Variants in SV2C observed in about 807,000 individuals in gnomAD.
The protein encoded by SV2C is synaptic vesicle glycoprotein 2C, also known as solute carrier family 22 member B3.
SV2C carries 49 observed loss-of-function variants against 79.7 expected under a neutral mutation model. The ratio of observed to expected loss-of-function variants is 0.61; its 90% confidence interval spans 0.49 to 0.78. The LOEUF (loss-of-function observed/expected upper bound fraction) is 0.78, where lower values mean the gene tolerates loss of function less well. Among genes scored for constraint, SV2C ranks in the 30% least tolerant of loss-of-function variants. The pLI, the probability that SV2C is intolerant of heterozygous loss-of-function variation, is 0.00. For synonymous variants in SV2C, 334 were observed against 333.2 expected, an observed-to-expected ratio of 1.00 and a Z score of -0.03; for missense variants, 833 against 912.9, an observed-to-expected ratio of 0.91 and a Z score of 1.13.
At chr5:75,900,145 G>A in the SV2C span, among the ~76,000 whole-genome samples, 131 of 152,282 alleles carry the variant, frequency 8.6e-4, no homozygotes, top group Non-Finnish European at 1.4e-3. Context: ...AGTTGATGCA[G>A]TTCCTTCCTA....
chr5:75,885,793 C>A, the SV2C span, among the ~76,000 whole-genome samples: 2 of 152,082 alleles, frequency 1.3e-5, no homozygotes, highest in African/African-American at 4.8e-5. Flanking sequence ...GTAGGGTAAA[C>A]ATCTCAGACT....
chr5:75,864,482 G>A, the SV2C span, among the ~76,000 whole-genome samples: 13 of 152,312 alleles, frequency 8.5e-5, no homozygotes, highest in East Asian at 1.7e-3. Context: ...TTTTTCTGCC[G>A]AGGTAGACTT....
intron 12 of SV2C, among the ~76,000 whole-genome samples, chr5:76,312,211 C>G (rs1263988944): frequency 1.3e-5 from 2 of 151,918 alleles, no homozygotes; most frequent in African/African-American, 4.8e-5. Flanking sequence ...GTGGCCAAGT[C>G]CCCTGCTCAC....
At chr5:75,987,869 T>G in the SV2C span, among the ~76,000 whole-genome samples, 1 of 152,168 alleles carries the variant, frequency 6.6e-6, no homozygotes, top group South Asian at 2.1e-4. Flanking sequence ...GGTTCTAGTG[T>G]TAGTGTTAGG....
chr5:75,853,327 C>A, the SV2C span, among the ~76,000 whole-genome samples: 2 of 151,922 alleles, frequency 1.3e-5, no homozygotes, highest in East Asian at 3.9e-4. Flanking sequence ...GAGGCGGAGG[C>A]GGGCGGATCA....
chr5:76,344,969 G>A (rs1380054622), intron 12 of SV2C, among the ~76,000 whole-genome samples: 1 of 152,276 alleles, frequency 6.6e-6, no homozygotes, highest in Admixed American at 6.5e-5. Context: ...ACCCTAAGTT[G>A]TTCAATCTTA....
the SV2C span, among the ~76,000 whole-genome samples, chr5:75,897,611 A>G: frequency 4.8e-4 from 72 of 151,514 alleles, no homozygotes; most frequent in African/African-American, 1.8e-3. Context: ...GAAGAAAGTC[A>G]TTGGTAGCTT....
At chr5:76,065,522 A>G in the SV2C span, among the ~76,000 whole-genome samples, 1 of 152,196 alleles carries the variant, frequency 6.6e-6, no homozygotes, top group South Asian at 2.1e-4. Flanking sequence ...TTCAAAATTT[A>G]TTCTTTCTAG....
At chr5:76,035,428 C>T in the SV2C span, among the ~76,000 whole-genome samples, 3 of 151,842 alleles carry the variant, frequency 2.0e-5, no homozygotes, top group African/African-American at 4.8e-5. Flanking sequence ...TGAATGTGTC[C>T]AAGAGATTCT....
At chr5:75,970,662 T>C in the SV2C span, among the ~76,000 whole-genome samples, 1 of 152,114 alleles carries the variant, frequency 6.6e-6, no homozygotes, top group Non-Finnish European at 1.5e-5. Context: ...TAATAGGCTA[T>C]GAAATTGAGG....
the SV2C span, among the ~76,000 whole-genome samples, chr5:76,053,360 G>A: frequency 6.8e-6 from 1 of 147,686 alleles, no homozygotes; most frequent in Non-Finnish European, 1.5e-5. Context: ...TTTTAGTCCA[G>A]AACGTGTGAG....
At chr5:76,071,264 T>C in the SV2C span, among the ~76,000 whole-genome samples, 1 of 152,134 alleles carries the variant, frequency 6.6e-6, no homozygotes, top group Non-Finnish European at 1.5e-5. Flanking sequence ...GTCATAAAAG[T>C]GTGATTTGCA....
At chr5:75,866,512 A>G in the SV2C span, among the ~76,000 whole-genome samples, 24 of 152,252 alleles carry the variant, frequency 1.6e-4, no homozygotes, top group African/African-American at 5.5e-4. Flanking sequence ...CCAGAATCAC[A>G]GAGTTATAAG....
At chr5:76,029,860 G>C in the SV2C span, among the ~76,000 whole-genome samples, 5 of 152,132 alleles carry the variant, frequency 3.3e-5, no homozygotes, top group African/African-American at 1.2e-4. Context: ...CCTCAGTCTG[G>C]CATCTTTTAG....
At chr5:75,883,813 T>C in the SV2C span, among the ~76,000 whole-genome samples, 1 of 150,842 alleles carries the variant, frequency 6.6e-6, no homozygotes, top group African/African-American at 2.5e-5. Flanking sequence ...ATTGTGCACA[T>C]GTACCCTAAA....
intron 4 of SV2C, among the ~76,000 whole-genome samples, chr5:76,268,449 C>T (rs1746735057): frequency 6.6e-6 from 1 of 152,112 alleles, no homozygotes; most frequent in Admixed American, 6.6e-5. Flanking sequence ...TCTTGTGGAA[C>T]CCAGTGTGGG....
At chr5:76,222,063 T>C (rs1745081272) in intron 4 of SV2C, among the ~76,000 whole-genome samples, 1 of 152,226 alleles carries the variant, frequency 6.6e-6, no homozygotes, top group African/African-American at 2.4e-5. Context: ...GCATCTCTCA[T>C]GCATTGCTTG....
At chr5:76,219,927 C>T (rs1745019129) in intron 4 of SV2C, among the ~76,000 whole-genome samples, 1 of 152,166 alleles carries the variant, frequency 6.6e-6, no homozygotes, top group African/African-American at 2.4e-5. Context: ...GTGTCCCAGG[C>T]ATTGTACCAG....
At chr5:75,890,050 T>TA in the SV2C span, among the ~76,000 whole-genome samples, 3 of 152,122 alleles carry the variant, frequency 2.0e-5, no homozygotes, top group Non-Finnish European at 2.9e-5. Context: ...ATAATACAAT[T>TA]AAAGAATTAC....
Sources: allele counts gnomAD v4.1 joint callset (sites outside exome capture counted in the v4.1 genomes callset), GRCh38; gene constraint gnomAD v4.1.1; transcripts MANE v1.5; gene names NCBI Gene and HGNC (gene_info 2026-07-23, HGNC 2026-07-21).